STYXL1: variants seen among roughly 807,000 people sequenced by gnomAD.
The protein encoded by STYXL1 is serine/threonine/tyrosine-interacting-like protein 1.
In STYXL1, 32 loss-of-function variants were observed where a neutral mutation model predicts 36.4. The ratio of observed to expected loss-of-function variants is 0.88; its 90% CI spans 0.66 to 1.18. STYXL1 has a LOEUF of 1.18. Ranked by LOEUF, STYXL1 falls within the 50% of genes most tolerant of loss-of-function variation. The pLI is 0.00. For missense variants in STYXL1, 354 were observed against 394.1 expected (o/e 0.90, Z 0.86); for synonymous variants, 133 against 144.1 (o/e 0.92, Z 0.55).
chr7:76,033,236 C>G (rs1007584528), intron 1 of STYXL1, among the ~76,000 whole-genome samples: 2 of 152,140 alleles, frequency 1.3e-5, no homozygotes, highest in East Asian at 1.9e-4. Context: ...GCCACAAACT[C>G]CCAGGCTCAA....
chr7:76,032,500 C>G (rs1554579677), intron 1 of STYXL1, among the ~76,000 whole-genome samples: 4 of 151,666 alleles, frequency 2.6e-5, no homozygotes, highest in African/African-American at 9.7e-5. Flanking sequence ...CACCTTTGGT[C>G]AGGAGTTCAA....
chr7:76,024,633 ACAAAAAAAACAAAAC>A (rs1301323568), intron 3 of STYXL1, among the ~76,000 whole-genome samples: 1 of 38,114 alleles, frequency 2.6e-5, no homozygotes, highest in East Asian at 5.3e-4. Flanking sequence ...AAACAACAAA[ACAAAAAAAACAAAAC>A]AAAAAAAAGC....
At chr7:76,042,392 T>C (rs1796561886) in intron 1 of STYXL1, among the ~76,000 whole-genome samples, 1 of 59,624 alleles carries the variant, frequency 1.7e-5, no homozygotes, top group African/African-American at 1.3e-4. Context: ...CTTATGTGCT[T>C]TTTTTTTTTT....
At chr7:76,018,390 CTTTTA>C (rs1268135172) in intron 4 of STYXL1, among the ~76,000 whole-genome samples, 10 of 151,618 alleles carry the variant, frequency 6.6e-5, no homozygotes, top group Admixed American at 2.6e-4. Flanking sequence ...CATGTCAGTA[CTTTTA>C]TTTTTTTTTT....
chr7:76,019,050 G>C (rs1793733303), intron 4 of STYXL1, among the ~76,000 whole-genome samples: 1 of 152,086 alleles, frequency 6.6e-6, no homozygotes, highest in African/African-American at 2.4e-5. Context: ...ATGTGGTTTT[G>C]ACATCAATTT....
At chr7:76,007,609 G>A (rs782337967) in intron 5 of STYXL1, among the ~76,000 whole-genome samples, 1 of 151,892 alleles carries the variant, frequency 6.6e-6, no homozygotes, top group Non-Finnish European at 1.5e-5. Flanking sequence ...GAAACAACAC[G>A]TACATTAGCA....
At chr7:76,030,311 T>G in intron 2 of STYXL1, 110 bp downstream of exon 2, 31 of 734,112 alleles carry the variant, frequency 4.2e-5, no homozygotes, top group East Asian at 8.9e-5. Context: ...GGGATCCCTG[T>G]TCTAAAGTCA....
At chr7:76,003,392 A>G (rs1223252364) in intron 7 of STYXL1, among the ~76,000 whole-genome samples, 1 of 152,178 alleles carries the variant, frequency 6.6e-6, no homozygotes, top group Non-Finnish European at 1.5e-5. Flanking sequence ...GGATGGAGAG[A>G]GATAGATTTA....
chr7:76,002,430 G>A (rs535486467), intron 7 of STYXL1, among the ~76,000 whole-genome samples: 18 of 152,294 alleles, frequency 1.2e-4, no homozygotes, highest in East Asian at 1.2e-3. Context: ...CAGAGATGAC[G>A]ATGGCCACCT....
intron 5 of STYXL1, among the ~76,000 whole-genome samples, chr7:76,008,817 C>T (rs576337383): frequency 6.6e-6 from 1 of 152,194 alleles, no homozygotes; most frequent in Non-Finnish European, 1.5e-5. Flanking sequence ...ACCAGCCTGG[C>T]CAACATAGTG....
intron 1 of STYXL1, among the ~76,000 whole-genome samples, chr7:76,037,195 G>A (rs549103377): frequency 1.3e-5 from 2 of 150,228 alleles, no homozygotes; most frequent in East Asian, 1.9e-4. Context: ...TGTCCGCCTC[G>A]GCCTCCCAAA....
At chr7:76,041,820 C>A (rs570441695) in intron 1 of STYXL1, among the ~76,000 whole-genome samples, 2 of 152,248 alleles carry the variant, frequency 1.3e-5, no homozygotes, top group Admixed American at 1.3e-4. Context: ...AGCAACTTTA[C>A]GATCATAGAA....
chr7:76,014,875 A>G (rs1255255176), intron 4 of STYXL1, among the ~76,000 whole-genome samples: 8 of 152,142 alleles, frequency 5.3e-5, no homozygotes, highest in Admixed American at 5.2e-4. Context: ...AAACATATAG[A>G]CCAATGGAAC....
intron 1 of STYXL1, among the ~76,000 whole-genome samples, chr7:76,046,329 TGTGTGTGTGTGCGCGC>T (rs1356420932): frequency 7.8e-3 from 97 of 12,384 alleles, no homozygotes; most frequent in Middle Eastern, 0.083. Context: ...TGTGTGTGTG[TGTGTGTGTGTGCGCGC>T]GCGCGCGCGC....
chr7:76,029,575 C>G (rs533866431), intron 2 of STYXL1, among the ~76,000 whole-genome samples: 6 of 152,066 alleles, frequency 3.9e-5, no homozygotes, highest in African/African-American at 1.4e-4. Context: ...ATGACTCAAG[C>G]CCATTACATT....
At chr7:76,003,681 C>G in intron 7 of STYXL1, 77 bp downstream of exon 7, 1 of 1,311,172 alleles carries the variant, frequency 7.6e-7, no homozygotes, top group Non-Finnish European at 1.1e-6. Context: ...CCAGAATAAG[C>G]CTGTGAAGGA....
intron 5 of STYXL1, among the ~76,000 whole-genome samples, chr7:76,010,084 T>C (rs1792368831): frequency 6.6e-6 from 1 of 152,184 alleles, no homozygotes; most frequent in South Asian, 2.1e-4. Context: ...AGTGATGAGT[T>C]ATCAGCAGCG....
intron 8 of STYXL1, among the ~76,000 whole-genome samples, chr7:75,999,694 C>T (rs1790624274): frequency 1.3e-5 from 2 of 151,784 alleles, no homozygotes; most frequent in Admixed American, 6.6e-5. Context: ...ATTACAGGCA[C>T]GCACCACCAC....
intron 3 of STYXL1, among the ~76,000 whole-genome samples, chr7:76,022,698 A>C (rs1456151575): frequency 6.6e-6 from 1 of 151,974 alleles, no homozygotes; most frequent in Non-Finnish European, 1.5e-5. Flanking sequence ...AACACCCCAA[A>C]AAAGGACAGT....
Sources: gnomAD v4.1 joint callset for allele counts (sites outside exome capture counted in the v4.1 genomes callset) on GRCh38, gnomAD v4.1.1 for gene constraint, MANE v1.5 for transcripts, NCBI Gene and HGNC (gene_info 2026-07-23, HGNC 2026-07-21) for gene names.